XKR9: variants seen among roughly 807,000 people sequenced by gnomAD.
XKR9 encodes XK-related protein 9.
Under a neutral mutation model 32.0 loss-of-function variants are expected in XKR9, and 32 were observed. That is an observed-to-expected ratio of 1.00 (90% CI 0.76 to 1.34). XKR9 has a LOEUF of 1.34. Among genes scored for constraint, XKR9 ranks in the 40% most tolerant of loss-of-function variants. The probability of loss-of-function intolerance (pLI) is 0.00; values close to 1 mark genes in which losing one functional copy is unlikely to be tolerated. For missense variants in XKR9, 546 were observed against 429.7 expected, an observed-to-expected ratio of 1.27 and a Z score of -2.39; for synonymous variants, 168 against 143.4, an observed-to-expected ratio of 1.17 and a Z score of -1.22.
chr8:71,059,881 A>C, the XKR9 span, among the ~76,000 whole-genome samples: 2 of 152,108 alleles, frequency 1.3e-5, no homozygotes, highest in African/African-American at 4.8e-5. Context: ...TTTCTTTGGG[A>C]GTTTTCTCCA....
At chr8:70,900,600 GAATA>G in the XKR9 span, among the ~76,000 whole-genome samples, 246 of 131,172 alleles carry the variant, frequency 1.9e-3, 1 homozygote, top group African/African-American at 6.1e-3. Flanking sequence ...AAAATTAAAT[GAATA>G]AATAAATAAA....
At chr8:70,773,978 T>C (rs1409174961) in intron 2 of XKR9, among the ~76,000 whole-genome samples, 1 of 140,602 alleles carries the variant, frequency 7.1e-6, no homozygotes, top group Non-Finnish European at 1.6e-5. Flanking sequence ...GTTGGCATCA[T>C]TTTTTAATAC....
Position 70,734,302 on chromosome 8 carries a change from C to G in XKR9, c.1000C>G (p.Leu334Val). Residue 334 changes from leucine to valine, a missense_variant, in exon 5 of 5, where the codon CTT (leucine) becomes GTT (valine). Transcript: ENST00000408926. ...AGTTCTTACTCTTCTTCTTGGAATT[C>G]TTTTTCTTATTGTTTATTATGGGAG... is the stretch of plus-strand genomic sequence containing the variant. ...TIVLTLLLGILFLIVYYGSFH... is the reference protein window; with the variant it reads ...TIVLTLLLGIVFLIVYYGSFH... 1.2e-6 allele frequency: 2 copies of G among 1,612,472 alleles called. No individual in the cohort carries two copies. The highest frequency in any genetic ancestry group is 1.7e-6 in the Non-Finnish European group (2 of 1,179,332).
chr8:71,017,901 T>A, the XKR9 span, among the ~76,000 whole-genome samples: 1 of 152,200 alleles, frequency 6.6e-6, no homozygotes, highest in African/African-American at 2.4e-5. Flanking sequence ...TAGTTTTTTG[T>A]TGTTTTTGGG....
chr8:70,917,168 C>T, the XKR9 span, among the ~76,000 whole-genome samples: 1 of 152,088 alleles, frequency 6.6e-6, no homozygotes, highest in African/African-American at 2.4e-5. Flanking sequence ...CCTCCTCTTT[C>T]CTTTACCTAG....
At chr8:70,740,969 G>A (rs6990670) in intron 2 of XKR9, among the ~76,000 whole-genome samples, 42 of 152,134 alleles carry the variant, frequency 2.8e-4, no homozygotes, top group African/African-American at 9.9e-4. Flanking sequence ...TCCAGCTGCG[G>A]GCTGGGAGAA....
chr8:70,703,877 C>T (rs1000599513), intron 3 of XKR9, among the ~76,000 whole-genome samples: 1 of 152,058 alleles, frequency 6.6e-6, no homozygotes, highest in Non-Finnish European at 1.5e-5. Context: ...GCCTATTCAT[C>T]ATTTGTTTCA....
chr8:70,968,190 T>A, the XKR9 span, among the ~76,000 whole-genome samples: 1 of 151,680 alleles, frequency 6.6e-6, no homozygotes, highest in African/African-American at 2.4e-5. Context: ...AAAGATAGTC[T>A]TCAAACTCTG....
chr8:70,836,577 A>C, the XKR9 span, among the ~76,000 whole-genome samples: 1 of 152,078 alleles, frequency 6.6e-6, no homozygotes, highest in African/African-American at 2.4e-5. Flanking sequence ...TGGATTTAAA[A>C]AAATGATTTA....
At chr8:70,947,006 G>GCC in the XKR9 span, among the ~76,000 whole-genome samples, 2 of 152,272 alleles carry the variant, frequency 1.3e-5, no homozygotes, top group African/African-American at 4.8e-5. Flanking sequence ...AGGGGCCAGT[G>GCC]TGCAGGTGCT....
chr8:70,855,374 A>G, the XKR9 span, among the ~76,000 whole-genome samples: 1 of 152,174 alleles, frequency 6.6e-6, no homozygotes, highest in Non-Finnish European at 1.5e-5. Context: ...AAGAAAGGGT[A>G]TCAGTGATGG....
chr8:70,953,030 C>A, the XKR9 span, among the ~76,000 whole-genome samples: 6 of 152,200 alleles, frequency 3.9e-5, no homozygotes, highest in Non-Finnish European at 5.9e-5. Context: ...GCATGAGCTG[C>A]ATTCTAGACG....
At chr8:71,003,998 G>T in the XKR9 span, among the ~76,000 whole-genome samples, 1 of 151,688 alleles carries the variant, frequency 6.6e-6, no homozygotes, top group South Asian at 2.1e-4. Flanking sequence ...TGAAGATAAA[G>T]AAGGGCATCA....
the XKR9 span, among the ~76,000 whole-genome samples, chr8:70,800,716 C>T: frequency 6.6e-6 from 1 of 152,138 alleles, no homozygotes; most frequent in African/African-American, 2.4e-5. Context: ...AAACTCCTGA[C>T]CTCAAGTGAT....
intron 3 of XKR9, among the ~76,000 whole-genome samples, chr8:70,692,927 G>C (rs1294692599): frequency 6.6e-6 from 1 of 152,100 alleles, no homozygotes; most frequent in Non-Finnish European, 1.5e-5. Context: ...CTAGGTTATT[G>C]AGAGTTTTTA....
chr8:71,021,769 G>A, the XKR9 span, among the ~76,000 whole-genome samples: 1 of 152,102 alleles, frequency 6.6e-6, no homozygotes, highest in African/African-American at 2.4e-5. Flanking sequence ...CCAAAGTGCT[G>A]GGATTACAGG....
At chr8:70,794,151 G>C (rs1807798893), downstream of XKR9, among the ~76,000 whole-genome samples, 1 of 151,872 alleles carries the variant, frequency 6.6e-6, no homozygotes, top group Non-Finnish European at 1.5e-5. Context: ...TTCACTTTTA[G>C]GTTGTTCATT....
At chr8:70,835,798 T>A in the XKR9 span, among the ~76,000 whole-genome samples, 1 of 152,058 alleles carries the variant, frequency 6.6e-6, no homozygotes, top group Non-Finnish European at 1.5e-5. Context: ...CAGAGGCTGG[T>A]ATGATCCATT....
the XKR9 span, among the ~76,000 whole-genome samples, chr8:70,951,983 C>A: frequency 6.6e-6 from 1 of 151,996 alleles, no homozygotes; most frequent in Admixed American, 6.6e-5. Context: ...AAAACAATGT[C>A]TTAAAGACTT....
Sources: gnomAD v4.1 joint callset for allele counts (sites outside exome capture counted in the v4.1 genomes callset) on GRCh38, gnomAD v4.1.1 for gene constraint, MANE v1.5 for transcripts, NCBI Gene and HGNC (gene_info 2026-07-23, HGNC 2026-07-21) for gene names.